Variants in EPHA7 observed in about 807,000 individuals in gnomAD.
EPHA7 encodes the protein EPH receptor A7, also known as ephrin type-A receptor 7.
In EPHA7, 25 loss-of-function variants were observed where a neutral mutation model predicts 112.6. The observed-to-expected ratio is 0.22, with a 90% confidence interval of 0.16 to 0.31. The LOEUF (loss-of-function observed/expected upper bound fraction) is 0.31. Ranked by LOEUF, EPHA7 falls within the 10% of genes least tolerant of loss-of-function variation. The pLI is 1.00. For synonymous variants in EPHA7, 437 were observed against 406.5 expected (o/e 1.07, Z -0.90); for missense variants, 962 against 1,212.6 (o/e 0.79, Z 3.07).
chr6:93,356,276 C>T (rs1050211732), intron 5 of EPHA7, among the ~76,000 whole-genome samples: 2 of 151,720 alleles, frequency 1.3e-5, no homozygotes, highest in African/African-American at 2.4e-5. Flanking sequence ...GGCACGATCT[C>T]GGCTCACTGC....
intron 2 of EPHA7, 116 bp downstream of exon 2, chr6:93,414,587 G>C: frequency 1.3e-6 from 1 of 767,998 alleles, no homozygotes; most frequent in African/African-American, 1.8e-5. Flanking sequence ...TATTGGACAA[G>C]ATATTTGGAA....
At chr6:93,330,134 A>G (rs1202723435) in intron 5 of EPHA7, among the ~76,000 whole-genome samples, 2 of 151,302 alleles carry the variant, frequency 1.3e-5, no homozygotes, top group South Asian at 4.1e-4. Flanking sequence ...AATGGTAATC[A>G]TAGGATGAAA....
intron 5 of EPHA7, among the ~76,000 whole-genome samples, chr6:93,324,210 C>T (rs1774209584): frequency 6.6e-6 from 1 of 151,308 alleles, no homozygotes; most frequent in Non-Finnish European, 1.5e-5. Context: ...GGATAACTTC[C>T]TTTACCAACA....
At chr6:93,300,657 A>G (rs188736544) in intron 5 of EPHA7, among the ~76,000 whole-genome samples, 14 of 152,310 alleles carry the variant, frequency 9.2e-5, no homozygotes, top group African/African-American at 3.4e-4. Flanking sequence ...TGACCTTCAT[A>G]TTTTAATAAT....
In EPHA7 at chr6:93,410,391, G is replaced by T. The variant is rs553070041; in HGVS notation, c.832+110C>A. ...CTTTGTTTAAGATCTACTGAATTGC[G>T]CTTCTGGTACAGAGCAGATTCACGT... On this transcript the variant is annotated intron_variant, in intron 3 of 16. Transcript: ENST00000369303. The surrounding 1 kb of genome is among the most constrained non-coding windows in gnomAD (Gnocchi z 4.0). 3.0e-6 allele frequency: 3 copies of T among 991,796 alleles called. No homozygotes were observed. The highest frequency in any genetic ancestry group is 1.6e-5 in the African/African-American group (1 of 61,680). The allele number at this position is 991,796 out of a possible 1,614,324, so 61.4% of individuals were successfully genotyped here. A position where few individuals can be genotyped will look rare whatever the true frequency, so the allele number is the denominator to read the frequency against.
intron 1 of EPHA7, among the ~76,000 whole-genome samples, chr6:93,416,818 C>G (rs1177179348): frequency 2.0e-5 from 3 of 152,078 alleles, no homozygotes; most frequent in Non-Finnish European, 4.4e-5. Context: ...GGGGGCGCGC[C>G]CTGACAGACC....
intron 9 of EPHA7, among the ~76,000 whole-genome samples, chr6:93,260,987 GT>G (rs1423632577): frequency 6.6e-6 from 1 of 151,356 alleles, no homozygotes; most frequent in East Asian, 1.9e-4. Flanking sequence ...TTAAAATTTT[GT>G]TTTGATAAGG....
intron 5 of EPHA7, among the ~76,000 whole-genome samples, chr6:93,302,396 T>TACGTCA (rs1773029882): frequency 6.6e-6 from 1 of 152,100 alleles, no homozygotes; most frequent in Non-Finnish European, 1.5e-5. Flanking sequence ...TGTCTCCAAA[T>TACGTCA]ACTTCAACCG....
chr6:93,257,564 G>T, intron 11 of EPHA7, 41 bp from the exon 12 acceptor site: 1 of 1,331,038 alleles, frequency 7.5e-7, no homozygotes, highest in Non-Finnish European at 1.1e-6. Context: ...CGTAACCTGA[G>T]CTGGAGGGTC....
At chr6:93,409,949 C>T (rs1778897801) in intron 3 of EPHA7, 1 of 148,926 alleles carries the variant, frequency 6.7e-6, no homozygotes, top group South Asian at 2.1e-4. Flanking sequence ...CAGAAGTAAC[C>T]ACAGAGATTT....
intron 7 of EPHA7, among the ~76,000 whole-genome samples, chr6:93,267,014 T>C (rs1770972203): frequency 6.6e-6 from 1 of 151,782 alleles, no homozygotes; most frequent in Non-Finnish European, 1.5e-5. Flanking sequence ...TTTTTTACTC[T>C]CACTTGCTTA....
rs1216746396 is a variant in EPHA7, at chr6:93,245,349, A to T, written c.2831T>A (p.Phe944Tyr). 6.2e-7 allele frequency: 1 copy of T among 1,613,602 alleles called. No homozygotes were observed. The highest frequency in any genetic ancestry group is 8.5e-7 in the Non-Finnish European group (1 of 1,179,918). ...AIKMERYKDN[F>Y]TAAGYNSLES... ...AAGGGAATTGTAGCCAGCTGCCGTGAAATTATCTTTATATCTTTCCATCTT... is the reference window on the plus strand; with the variant it reads ...AAGGGAATTGTAGCCAGCTGCCGTGTAATTATCTTTATATCTTTCCATCTT... Residue 944 changes from phenylalanine to tyrosine, a missense_variant, in exon 16 of 17, where the codon TTC (phenylalanine) becomes TAC (tyrosine). By Grantham distance (22) the Phe-to-Tyr change is conservative (BLOSUM62 3). Transcript: ENST00000369303.
intron 5 of EPHA7, among the ~76,000 whole-genome samples, chr6:93,315,583 A>AT (rs995333411): frequency 2.0e-5 from 3 of 152,044 alleles, no homozygotes; most frequent in African/African-American, 4.8e-5. Context: ...GGTCAAGTCT[A>AT]TTTTTTTGTA....
chr6:93,291,495 G>A (rs1772362703), intron 5 of EPHA7, among the ~76,000 whole-genome samples: 1 of 151,958 alleles, frequency 6.6e-6, no homozygotes, highest in African/African-American at 2.4e-5. Flanking sequence ...TGGGCCGGGC[G>A]CGGTGGCTCA....
At chr6:93,411,254 G>A in intron 2 of EPHA7, 84 bp from the exon 3 acceptor site, 1 of 1,153,022 alleles carries the variant, frequency 8.7e-7, no homozygotes, top group Admixed American at 2.2e-5. Flanking sequence ...CACAAATACA[G>A]ATCTTCGAAA....
At position 93,267,554 on chromosome 6, in the gene EPHA7, G is replaced by A. The variant is rs557948473; in HGVS notation, c.1633+1923C>T. Among the ~76,000 whole-genome samples, 151 of 151,828 alleles carry A rather than the reference G, an allele frequency of 9.9e-4. No homozygotes were observed. In the Middle Eastern group the frequency reaches 0.01, roughly 10 times the overall value. On this transcript the variant is annotated intron_variant, in intron 7 of 16. Coordinates refer to ENST00000369303, the MANE Select transcript of EPHA7 (RefSeq NM_004440.4). The stretch of plus-strand genomic sequence containing the variant: ...CTGAAACCATAGTAGGCACTGGCAA[G>A]ACAACAGTAAGAAAAAGACATATGG...
At position 93,243,442 on chromosome 6, in the gene EPHA7, G is replaced by A; in HGVS notation, c.2981C>T (p.Thr994Ile). 6.2e-7 allele frequency: 1 copy of A among 1,612,978 alleles called. No homozygotes were observed. Among genetic ancestry groups the A allele is most frequent in the Non-Finnish European group, 8.5e-7 (1 of 1,179,158 alleles). The stretch of plus-strand genomic sequence containing the variant: ...AAATGCATATCACACTTGAATGCCA[G>A]TTCCATGTAAATGTAGCATTTGTGC... ...MRAQMLHLHG[T>I]GIQV The change falls in exon 17 of 17, where the codon ACT becomes ATT. Residue 994 changes from threonine (T) to isoleucine (I), a missense_variant. Thr to Ile is a moderately conservative substitution (Grantham distance 89). Transcript: ENST00000369303.
rs1244003936 is a variant in EPHA7 at position 93,240,992 on chromosome 6, T to C, written c.*2434A>G. The C allele has an allele frequency of 1.4e-5, 3 of 212,178 alleles. No homozygotes were observed. Among genetic ancestry groups the C allele is most frequent in the Non-Finnish European group, 1.9e-5 (2 of 104,610 alleles). The allele number at this position is 212,178 out of a possible 1,614,324, so 13.1% of individuals were successfully genotyped here. A position where few individuals can be genotyped will look rare whatever the true frequency, so the allele number is the denominator to read the frequency against. On this transcript the variant is annotated 3_prime_UTR_variant, in exon 17 of 17. Transcript: ENST00000369303. ...TTTCCCATCCCTTCTCCCCTTTCCCTGTAAAGAGCTGTAAAAAATTTAAGG... is the reference window on the plus strand; with the variant it reads ...TTTCCCATCCCTTCTCCCCTTTCCCCGTAAAGAGCTGTAAAAAATTTAAGG...
At chr6:93,301,027 G>A (rs75613396) in intron 5 of EPHA7, among the ~76,000 whole-genome samples, 3,394 of 152,158 alleles carry the variant, frequency 0.022, 108 homozygotes, top group African/African-American at 0.078. Context: ...ACACAGAAAA[G>A]GCAGAGTAAA....
Sources: gnomAD v4.1 joint callset for allele counts (sites outside exome capture counted in the v4.1 genomes callset) on GRCh38, gnomAD v4.1.1 for gene constraint, Gnocchi (gnomAD v3.1) non-coding constraint, MANE v1.5 for transcripts, NCBI Gene and HGNC (gene_info 2026-07-23, HGNC 2026-07-21) for gene names.